The following CFAP97 variants were observed in gnomAD, a reference collection of about 807,000 sequenced individuals.
CFAP97 encodes cilia- and flagella-associated protein 97.
Under a neutral mutation model 43.1 loss-of-function variants are expected in CFAP97, and 36 were observed. That is an observed-to-expected ratio of 0.84 (90% confidence interval 0.64 to 1.10). CFAP97 has a LOEUF of 1.10. Ranked by LOEUF, CFAP97 falls within the 50% of genes least tolerant of loss-of-function variation. The pLI is 0.00. For synonymous variants in CFAP97, 228 were observed against 225.7 expected (o/e 1.01, Z -0.09); for missense variants, 657 against 620.3 (o/e 1.06, Z -0.63).
chr4:185,176,105 C>T, intron 2 of CFAP97, 54 bp from the exon 3 acceptor site: 1 of 1,216,274 alleles, frequency 8.2e-7, no homozygotes, highest in Non-Finnish European at 1.1e-6. Flanking sequence ...GTATGTGGTA[C>T]ATGCTTTTTT....
chr4:185,208,134 A>G (rs902780227), upstream of CFAP97, among the ~76,000 whole-genome samples: 1 of 152,034 alleles, frequency 6.6e-6, no homozygotes, highest in East Asian at 2.0e-4. Flanking sequence ...TTTGAGACGA[A>G]GTCTCACTCT....
At chr4:185,208,194 C>T (rs1200165148), upstream of CFAP97, among the ~76,000 whole-genome samples, 3 of 152,020 alleles carry the variant, frequency 2.0e-5, no homozygotes, top group African/African-American at 7.2e-5. Context: ...CTGCGACCTC[C>T]ACCTCCGGGG....
At chr4:185,164,322 G>A (rs560599156) in intron 3 of CFAP97, 143 bp from the exon 4 acceptor site, 2 of 820,618 alleles carry the variant, frequency 2.4e-6, no homozygotes, top group South Asian at 3.9e-5. Flanking sequence ...AGGCTGGCCT[G>A]GAACTCCTGG....
At chr4:185,201,067 TAA>T in intron 1 of CFAP97, among the ~76,000 whole-genome samples, 2 of 152,088 alleles carry the variant, frequency 1.3e-5, no homozygotes, top group South Asian at 4.1e-4. Flanking sequence ...CTCACGCCTG[TAA>T]TCCCAACACT....
intron 4 of CFAP97, 88 bp from the exon 5 acceptor site, chr4:185,163,013 A>G (rs1734927276): frequency 1.7e-6 from 2 of 1,200,310 alleles, no homozygotes. Flanking sequence ...ATGTGTGTCT[A>G]ATAGTCTAAT....
At chr4:185,196,153 C>A (rs73021792) in intron 1 of CFAP97, among the ~76,000 whole-genome samples, 2 of 152,138 alleles carry the variant, frequency 1.3e-5, no homozygotes, top group African/African-American at 4.8e-5. Flanking sequence ...ATTAAACTGA[C>A]GAAGTAGAAC....
chr4:185,192,191 A>G (rs1353055400), intron 1 of CFAP97, among the ~76,000 whole-genome samples: 2 of 152,244 alleles, frequency 1.3e-5, no homozygotes, highest in Non-Finnish European at 2.9e-5. Context: ...TAAGTCACAC[A>G]TACAGGCTGC....
chr4:185,204,957 T>G (rs1357827695), upstream of CFAP97, among the ~76,000 whole-genome samples: 2 of 152,248 alleles, frequency 1.3e-5, no homozygotes, highest in Non-Finnish European at 2.9e-5. Context: ...TTTGTAGTAA[T>G]TTGTTATAGC....
chr4:185,171,493 TC>T (rs1004195620), intron 3 of CFAP97, among the ~76,000 whole-genome samples: 8 of 152,156 alleles, frequency 5.3e-5, no homozygotes, highest in Non-Finnish European at 1.0e-4. Flanking sequence ...GAATCTTACT[TC>T]CTCCATAACT....
upstream of CFAP97, among the ~76,000 whole-genome samples, chr4:185,205,883 A>AT (rs913282769): frequency 1.2e-4 from 18 of 152,210 alleles, no homozygotes; most frequent in African/African-American, 4.3e-4. Flanking sequence ...ACTTGAGTAG[A>AT]TATTTCTCCA....
rs1220489648 is a variant in CFAP97, at chr4:185,161,156, G to A, written c.*1642C>T. The A allele has an allele frequency of 1.3e-5, 2 of 152,070 alleles. No individual in the cohort carries two copies. The highest frequency in any genetic ancestry group is 3.9e-4 in the East Asian group (2 of 5,194). 9.4% of individuals were successfully genotyped at this position (152,070 alleles called of 1,614,324 possible). On this transcript the variant is annotated 3_prime_UTR_variant, in exon 5 of 5. Coordinates refer to ENST00000458385, the MANE Select transcript of CFAP97 (RefSeq NM_020827.3). ...CAAGCTTATATACACAGCAGGTATA[G>A]TAACTTGTTCACCAGAACAGAGCAT...
intron 3 of CFAP97, among the ~76,000 whole-genome samples, chr4:185,166,923 G>C (rs1246780731): frequency 6.6e-6 from 1 of 152,210 alleles, no homozygotes; most frequent in African/African-American, 2.4e-5. Flanking sequence ...GCTCAGGATG[G>C]CTTTGAATGC....
chr4:185,190,891 T>G lies in CFAP97; in HGVS notation c.306A>C (p.Lys102Asn). 1 of 1,612,042 alleles carries G rather than the reference T, an allele frequency of 6.2e-7. No homozygotes were observed. ...TAAGTCCTGTTGTAACATCACACAA[T>G]TTTTTTGATCTTGAAGAGGCTGGCA... ...FSLPASSRSK[K>N]LCDVTTGLKI... The change falls in exon 2 of 5, where the codon AAA becomes AAC. Residue 102 changes from lysine (K) to asparagine (N), a missense_variant. Lys to Asn is a moderately conservative substitution (Grantham distance 94). Transcript: ENST00000458385.
At chr4:185,203,180 C>T (rs78213412) in intron 1 of CFAP97, among the ~76,000 whole-genome samples, 19,293 of 151,986 alleles carry the variant, frequency 0.13, 1,293 homozygotes, top group African/African-American at 0.15. Context: ...CACCCTGGGC[C>T]ACAGAGCGAG....
chr4:185,176,373 AAAGT>A (rs1221376878), intron 2 of CFAP97, among the ~76,000 whole-genome samples: 1 of 152,094 alleles, frequency 6.6e-6, no homozygotes, highest in Admixed American at 6.6e-5. Flanking sequence ...TCAGCCTCCC[AAAGT>A]GCTGGGATTG....
chr4:185,160,018 C>T lies in CFAP97; in HGVS notation c.*2780G>A, dbSNP rs953849231. 7 of 152,170 alleles carry T rather than the reference C, an allele frequency of 4.6e-5. No individual in the cohort carries two copies. The highest frequency in any genetic ancestry group is 1.2e-4 in the African/African-American group (5 of 41,440). The allele number at this position is 152,170 out of a possible 1,614,324, so 9.4% of individuals were successfully genotyped here. A position where few individuals can be genotyped will look rare whatever the true frequency, so the allele number is the denominator to read the frequency against. Reference sequence around the variant, plus strand: ...GGCACAGCCGTCACTTACCCATGACCGTCACCTTCCTAAAGCTGTCTCGAT... The same window carrying T: ...GGCACAGCCGTCACTTACCCATGACTGTCACCTTCCTAAAGCTGTCTCGAT... On this transcript the variant is annotated 3_prime_UTR_variant, in exon 5 of 5. Transcript: ENST00000458385.
intron 2 of CFAP97, among the ~76,000 whole-genome samples, chr4:185,186,993 C>T (rs1048618056): frequency 1.3e-5 from 2 of 152,052 alleles, no homozygotes; most frequent in African/African-American, 4.8e-5. Flanking sequence ...ATCCACCTAG[C>T]GAATCGTATG....
Position 185,190,567 on chromosome 4 carries a change from A to G in CFAP97, c.630T>C (p.His210=), listed in dbSNP as rs1560869679. 4 of 1,613,894 alleles carry G rather than the reference A, an allele frequency of 2.5e-6. No individual in the cohort carries two copies. Among genetic ancestry groups the G allele is most frequent in the Non-Finnish European group, 3.4e-6 (4 of 1,179,842 alleles). Residue 210 remains histidine (H), a synonymous_variant, in exon 2 of 5, where the codon CAT becomes CAC. Transcript: ENST00000458385. Reference sequence around the variant, plus strand: ...GTGACAGGAGGGTTATACCAGATACATGTTTCTTAGATGACTTAGATGACG... The same window carrying G: ...GTGACAGGAGGGTTATACCAGATACGTGTTTCTTAGATGACTTAGATGACG... ...SSPSSKSSKK[H]VSGITLLSPK... is the part of the protein sequence containing the mutation.
chr4:185,167,150 G>A (rs941658580), intron 3 of CFAP97, among the ~76,000 whole-genome samples: 2 of 151,892 alleles, frequency 1.3e-5, no homozygotes, highest in African/African-American at 4.9e-5. Flanking sequence ...CATCAATTTA[G>A]AACTCTTATG....
Sources: gnomAD v4.1 joint callset for allele counts (sites outside exome capture counted in the v4.1 genomes callset) on GRCh38, gnomAD v4.1.1 for gene constraint, MANE v1.5 for transcripts, NCBI Gene and HGNC (gene_info 2026-07-23, HGNC 2026-07-21) for gene names.